The following SMN2 variants were observed in gnomAD, a reference collection of about 807,000 sequenced individuals.
SMN2 encodes survival of motor neuron 2, centromeric, also known as survival motor neuron protein.
In SMN2, 1 loss-of-function variant was observed where a neutral mutation model predicts 2.8. That is an observed-to-expected ratio of 0.35 (90% confidence interval 0.13 to 1.68). The LOEUF (loss-of-function observed/expected upper bound fraction) is 1.68, where lower values mean the gene tolerates loss of function less well. SMN2 is among the 40% of genes most tolerant of loss of function. The probability of loss-of-function intolerance (pLI) is 0.35; values close to 1 mark genes in which losing one functional copy is unlikely to be tolerated. For synonymous variants in SMN2, 5 were observed against 5.0 expected, an observed-to-expected ratio of 0.99 and a Z score of 0.01; for missense variants, 12 against 16.9, an observed-to-expected ratio of 0.71 and a Z score of 0.51.
At chr5:70,079,442 A>G (rs1774821463), downstream of SMN2, among the ~76,000 whole-genome samples, 1 of 149,756 alleles carries the variant, frequency 6.7e-6, no homozygotes. Flanking sequence ...AAAAAAAAAA[A>G]AAAAAAAAAC....
At chr5:70,084,843 C>T in the SMN2 span, among the ~76,000 whole-genome samples, 1 of 135,380 alleles carries the variant, frequency 7.4e-6, no homozygotes, top group Non-Finnish European at 1.5e-5. Context: ...AAGGCACCTA[C>T]TTGCTAAAAT....
intron 7 of SMN2, among the ~76,000 whole-genome samples, chr5:70,075,768 G>A (rs1404276319): frequency 1.7e-5 from 2 of 120,126 alleles, no homozygotes; most frequent in South Asian, 2.6e-4. Context: ...TGACCTCCAG[G>A]GCTCAAGCAG....
At chr5:70,085,008 C>T in the SMN2 span, among the ~76,000 whole-genome samples, 2 of 137,820 alleles carry the variant, frequency 1.5e-5, no homozygotes, top group African/African-American at 3.0e-5. Flanking sequence ...AAACAAGTGT[C>T]CTTTTTGAAA....
At chr5:70,076,634 A>G (rs1774764624) in intron 8 of SMN2, 60 bp downstream of exon 8, 2 of 1,420,648 alleles carry the variant, frequency 1.4e-6, no homozygotes, top group Admixed American at 2.0e-5. Context: ...TGGTTTGTGG[A>G]AAACAAATGT....
In SMN2 at chr5:70,075,761, C is replaced by T. The variant is rs1774731663; in HGVS notation, c.835-760C>T. 1.7e-5 allele frequency among the ~76,000 whole-genome samples: 2 copies of T among 120,698 alleles called. 1 individual carries two copies. The highest frequency in any genetic ancestry group is 5.1e-4 in the South Asian group (2 of 3,918). 79.2% of individuals were successfully genotyped at this position (120,698 alleles called of 152,430 possible). A position where few individuals can be genotyped will look rare whatever the true frequency, so the allele number is the denominator to read the frequency against. On this transcript the variant is annotated intron_variant, in intron 7 of 8. Coordinates refer to ENST00000380743, the MANE Select transcript of SMN2 (RefSeq NM_017411.4). ...CATTCACAGCTCACTGCAGCCTTGA[C>T]CTCCAGGGCTCAAGCAGTCCTCTCA...
chr5:70,052,264 C>G (rs1245334530), intron 1 of SMN2, among the ~76,000 whole-genome samples: 2 of 113,790 alleles, frequency 1.8e-5, no homozygotes, highest in African/African-American at 5.9e-5. Context: ...GAGGATCGGC[C>G]GGGCGCTGTG....
intron 7 of SMN2, among the ~76,000 whole-genome samples, chr5:70,074,663 A>G (rs1774686482): frequency 8.1e-6 from 1 of 123,884 alleles, no homozygotes; most frequent in African/African-American, 3.0e-5. Flanking sequence ...AAAATAAGGT[A>G]TAAGCGGGCT....
chr5:70,075,018 T>G (rs1774702494), intron 7 of SMN2, among the ~76,000 whole-genome samples: 1 of 125,722 alleles, frequency 8.0e-6, no homozygotes, highest in African/African-American at 3.2e-5. Flanking sequence ...AAAAATATTT[T>G]TTTAAATTAA....
At chr5:70,080,824 G>C (rs1231376157), downstream of SMN2, among the ~76,000 whole-genome samples, 1 of 120,992 alleles carries the variant, frequency 8.3e-6, no homozygotes, top group African/African-American at 3.8e-5. Flanking sequence ...TAGGTTGCCT[G>C]TTCACTCTGA....
intron 6 of SMN2, among the ~76,000 whole-genome samples, chr5:70,070,230 T>C (rs1248002988): frequency 9.2e-6 from 1 of 108,564 alleles, no homozygotes; most frequent in Non-Finnish European, 1.8e-5. Flanking sequence ...TACTCATAGC[T>C]TCATAGTGGA....
At chr5:70,074,828 A>G (rs1774693389) in intron 7 of SMN2, among the ~76,000 whole-genome samples, 1 of 119,658 alleles carries the variant, frequency 8.4e-6, no homozygotes, top group South Asian at 2.7e-4. Flanking sequence ...CCCTGTCTCT[A>G]CTAAAAATAC....
chr5:70,079,478 A>G (rs1774823452), downstream of SMN2, among the ~76,000 whole-genome samples: 1 of 147,876 alleles, frequency 6.8e-6, no homozygotes, highest in Non-Finnish European at 1.5e-5. Context: ...ACTCTGGGCC[A>G]GGCACGGTGG....
In SMN2 at chr5:70,070,115, T is replaced by C. The variant is rs1026306694; in HGVS notation, c.724-526T>C. 2.4e-5 allele frequency among the ~76,000 whole-genome samples: 3 copies of C among 127,334 alleles called. 1 individual carries two copies. Among genetic ancestry groups the C allele is most frequent in the African/African-American group, 3.5e-5 (1 of 28,840 alleles). 83.5% of individuals were successfully genotyped at this position (127,334 alleles called of 152,430 possible). A position where few individuals can be genotyped will look rare whatever the true frequency, so the allele number is the denominator to read the frequency against. On this transcript the variant is annotated intron_variant, in intron 6 of 8. Coordinates refer to ENST00000380743, the MANE Select transcript of SMN2 (RefSeq NM_017411.4). ...AGAACAGGTGTTCTACCCAAGACAT[T>C]TACTTAAAATCGCCCTCGAAATGCT... is the stretch of plus-strand genomic sequence containing the variant.
intron 7 of SMN2, among the ~76,000 whole-genome samples, chr5:70,074,947 G>T (rs2112487175): frequency 9.0e-6 from 1 of 111,034 alleles, no homozygotes; most frequent in East Asian, 2.8e-4. Context: ...AGCCAAGATT[G>T]CACCATTGCA....
chr5:70,075,949 G>A lies in SMN2; in HGVS notation c.835-572G>A, dbSNP rs1327763189. ...GCTCACTGCAGCCTCCGCCTCCTGG[G>A]TTCAAGTGATTCTCCTGCCTCAACC... On this transcript the variant is annotated intron_variant, in intron 7 of 8. Coordinates refer to ENST00000380743, the MANE Select transcript of SMN2 (RefSeq NM_017411.4). Among the ~76,000 whole-genome samples the A allele has an allele frequency of 6.4e-5, 8 of 124,940 alleles. 2 individuals carry two copies. The highest frequency in any genetic ancestry group is 2.9e-4 in the African/African-American group (8 of 27,442). The allele number at this position is 124,940 out of a possible 152,430, so 82.0% of individuals were successfully genotyped here. A position where few individuals can be genotyped will look rare whatever the true frequency, so the allele number is the denominator to read the frequency against.
At chr5:70,074,951 C>A (rs1378307891) in intron 7 of SMN2, among the ~76,000 whole-genome samples, 7 of 125,360 alleles carry the variant, frequency 5.6e-5, no homozygotes, top group African/African-American at 2.2e-4. Context: ...AAGATTGCAC[C>A]ATTGCACTCC....
downstream of SMN2, among the ~76,000 whole-genome samples, chr5:70,080,304 C>G (rs1375049168): frequency 5.2e-5 from 7 of 135,506 alleles, no homozygotes; most frequent in Non-Finnish European, 1.1e-4. Flanking sequence ...ACACTCCAGC[C>G]TGGGTGACTC....
At chr5:70,084,715 CTGT>C in the SMN2 span, among the ~76,000 whole-genome samples, 20 of 137,868 alleles carry the variant, frequency 1.5e-4, 1 homozygote, top group Non-Finnish European at 2.9e-4. Context: ...TTTTAATTTT[CTGT>C]TGTTTATATG....
chr5:70,052,260 C>T (rs1327714084), intron 1 of SMN2, among the ~76,000 whole-genome samples: 576 of 113,948 alleles, frequency 5.1e-3, no homozygotes, highest in African/African-American at 0.017. Context: ...GTGGGAGGAT[C>T]GGCCGGGCGC....
Sources: gnomAD v4.1 joint callset for allele counts (sites outside exome capture counted in the v4.1 genomes callset) on GRCh38, gnomAD v4.1.1 for gene constraint, MANE v1.5 for transcripts, NCBI Gene and HGNC (gene_info 2026-07-23, HGNC 2026-07-21) for gene names.